Variants in NRXN3 observed in about 807,000 individuals in gnomAD.
NRXN3 encodes neurexin 3.
Under a neutral mutation model 137.6 loss-of-function variants are expected in NRXN3, and 32 were observed. That is an observed-to-expected ratio of 0.23 (90% CI 0.18 to 0.31). The LOEUF (loss-of-function observed/expected upper bound fraction) is 0.31. NRXN3 is among the 10% of genes least tolerant of loss of function. NRXN3 has a pLI of 1.00. For missense variants in NRXN3, 1,574 were observed against 2,062.5 expected (o/e 0.76, Z 4.59); for synonymous variants, 798 against 784.5 (o/e 1.02, Z -0.29).
chr14:78,838,333 G>A (rs555974022), intron 10 of NRXN3, among the ~76,000 whole-genome samples: 1 of 152,188 alleles, frequency 6.6e-6, no homozygotes, highest in African/African-American at 2.4e-5. Context: ...CCTCGTTCTT[G>A]TAACATTAAT....
intron 4 of NRXN3, among the ~76,000 whole-genome samples, chr14:78,642,082 G>A (rs1309756293): frequency 6.6e-6 from 1 of 152,188 alleles, no homozygotes; most frequent in African/African-American, 2.4e-5. Context: ...GGGATGGTTT[G>A]TCAGTCAATG....
intron 4 of NRXN3, among the ~76,000 whole-genome samples, chr14:78,344,464 G>T (rs2082483380): frequency 6.6e-6 from 1 of 152,164 alleles, no homozygotes; most frequent in Non-Finnish European, 1.5e-5. Flanking sequence ...ATTCCTCTGG[G>T]CATGCCCACT....
chr14:79,200,287 G>T (rs1043360550), intron 15 of NRXN3, among the ~76,000 whole-genome samples: 20 of 152,186 alleles, frequency 1.3e-4, no homozygotes, highest in Non-Finnish European at 2.5e-4. Context: ...TCCTGAAGAG[G>T]ATGGTTGAAT....
At chr14:78,317,350 A>G (rs2078830445) in intron 4 of NRXN3, among the ~76,000 whole-genome samples, 1 of 152,168 alleles carries the variant, frequency 6.6e-6, no homozygotes, top group African/African-American at 2.4e-5. Flanking sequence ...ATTATCGCCT[A>G]AGTTCCGCCT....
chr14:79,273,924 G>A (rs1304221037), intron 15 of NRXN3, among the ~76,000 whole-genome samples: 4 of 151,588 alleles, frequency 2.6e-5, no homozygotes, highest in African/African-American at 4.8e-5. Context: ...GTGAAACCCT[G>A]TCTCTACTAA....
At chr14:78,548,514 A>C (rs1251517152) in intron 4 of NRXN3, among the ~76,000 whole-genome samples, 1 of 152,200 alleles carries the variant, frequency 6.6e-6, no homozygotes, top group Non-Finnish European at 1.5e-5. Flanking sequence ...TAAACTCCAC[A>C]TACTGTATGT....
At chr14:78,271,491 A>G (rs1188603993) in intron 2 of NRXN3, among the ~76,000 whole-genome samples, 3 of 151,568 alleles carry the variant, frequency 2.0e-5, no homozygotes, top group Non-Finnish European at 4.4e-5. Flanking sequence ...AAAAAAAAAA[A>G]CAAAAGGGCT....
chr14:78,388,021 C>T (rs2090226126), intron 4 of NRXN3, among the ~76,000 whole-genome samples: 1 of 152,154 alleles, frequency 6.6e-6, no homozygotes. Context: ...AACTCACTCT[C>T]ATACTTTTCA....
At chr14:78,525,109 TTC>T (rs1428428047) in intron 4 of NRXN3, among the ~76,000 whole-genome samples, 1 of 152,224 alleles carries the variant, frequency 6.6e-6, no homozygotes, top group African/African-American at 2.4e-5. Flanking sequence ...TCAACCTTGT[TTC>T]TCTGTTTTCA....
In NRXN3 at chr14:79,256,633, A is replaced by G. The variant is rs2076620166; in HGVS notation, c.3263-210588A>G. ...AAGTGCCCAGCATTAATCTCCTGAG[A>G]TTTGTTCATCTGACTTCACAGCAGC... On this transcript the variant is annotated intron_variant, in intron 15 of 20. Coordinates refer to ENST00000335750, the MANE Select transcript of NRXN3 (RefSeq NM_001330195.2). 2.6e-5 allele frequency among the ~76,000 whole-genome samples: 4 copies of G among 152,172 alleles called. No individual in the cohort carries two copies. The South Asian group carries it at 8.3e-4, about 31-fold the overall frequency.
At chr14:78,980,985 T>C (rs2099487903) in intron 14 of NRXN3, among the ~76,000 whole-genome samples, 1 of 152,154 alleles carries the variant, frequency 6.6e-6, no homozygotes, top group African/African-American at 2.4e-5. Context: ...TTTTAAGATA[T>C]TAATAATTAA....
At chr14:78,932,028 T>C (rs2099323564) in intron 10 of NRXN3, among the ~76,000 whole-genome samples, 1 of 152,126 alleles carries the variant, frequency 6.6e-6, no homozygotes, top group African/African-American at 2.4e-5. Flanking sequence ...TAATCCCAGC[T>C]ACTCAGGAGG....
intron 4 of NRXN3, among the ~76,000 whole-genome samples, chr14:78,460,384 A>G (rs1425854197): frequency 2.0e-5 from 3 of 152,140 alleles, no homozygotes; most frequent in Admixed American, 2.0e-4. Flanking sequence ...AAAGTTCCAA[A>G]CCTCTAATCA....
At chr14:79,775,993 T>C (rs1219674233) in intron 19 of NRXN3, among the ~76,000 whole-genome samples, 5 of 152,126 alleles carry the variant, frequency 3.3e-5, no homozygotes, top group South Asian at 4.2e-4. Context: ...TCTTCATAAA[T>C]AGCCAAGGAA....
chr14:79,002,640 C>A (rs2099543935), intron 15 of NRXN3, among the ~76,000 whole-genome samples: 1 of 152,058 alleles, frequency 6.6e-6, no homozygotes, highest in African/African-American at 2.4e-5. Context: ...TGGGTTGATT[C>A]CCTGTATTTG....
intron 15 of NRXN3, chr14:79,280,059 T>G: frequency 1.5e-6 from 2 of 1,344,448 alleles, no homozygotes; most frequent in Non-Finnish European, 1.9e-6. Context: ...GCATTCTAAA[T>G]TTCAGCTCCG....
intron 4 of NRXN3, among the ~76,000 whole-genome samples, chr14:78,402,332 A>G (rs1247294717): frequency 6.6e-6 from 1 of 152,246 alleles, no homozygotes; most frequent in Non-Finnish European, 1.5e-5. Context: ...AAGAACATTC[A>G]GTAGTGAAAA....
intron 19 of NRXN3, among the ~76,000 whole-genome samples, chr14:79,716,856 T>C (rs1450240785): frequency 6.6e-6 from 1 of 152,202 alleles, no homozygotes; most frequent in Non-Finnish European, 1.5e-5. Context: ...TTCGTTATCA[T>C]TGTTGTAATT....
intron 2 of NRXN3, chr14:78,249,969 A>G (rs970860511): frequency 1.6e-4 from 59 of 369,260 alleles, no homozygotes; most frequent in Non-Finnish European, 2.8e-4. Context: ...TTCTTTAGTA[A>G]CAATGATAGC....
Sources: gnomAD v4.1 joint callset for allele counts (sites outside exome capture counted in the v4.1 genomes callset) on GRCh38, gnomAD v4.1.1 for gene constraint, MANE v1.5 for transcripts, NCBI Gene and HGNC (gene_info 2026-07-23, HGNC 2026-07-21) for gene names.